The following SCAPER variants were observed in gnomAD, a reference collection of about 807,000 sequenced individuals.
SCAPER encodes S-phase cyclin A associated protein in the ER, also known as S phase cyclin A-associated protein in the endoplasmic reticulum.
Under a neutral mutation model 182.2 loss-of-function variants are expected in SCAPER, and 98 were observed. The ratio of observed to expected loss-of-function variants is 0.54; its 90% CI spans 0.46 to 0.64. The LOEUF is 0.64. SCAPER is among the 30% of genes least tolerant of loss of function. The pLI, the probability that SCAPER is intolerant of heterozygous loss-of-function variation, is 0.00. For synonymous variants in SCAPER, 605 were observed against 564.6 expected, an observed-to-expected ratio of 1.07 and a Z score of -1.01; for missense variants, 1,432 against 1,690.0, an observed-to-expected ratio of 0.85 and a Z score of 2.68.
chr15:76,742,252 A>G (rs183988839), intron 15 of SCAPER, among the ~76,000 whole-genome samples: 9 of 152,056 alleles, frequency 5.9e-5, no homozygotes, highest in Non-Finnish European at 1.2e-4. Flanking sequence ...TATTAGAAAC[A>G]AGCTCAGGCC....
At chr15:76,355,959 A>G (rs948020638) in intron 29 of SCAPER, among the ~76,000 whole-genome samples, 1 of 152,250 alleles carries the variant, frequency 6.6e-6, no homozygotes, top group African/African-American at 2.4e-5. Context: ...TTTGGTTACC[A>G]TTGGAGTTCT....
chr15:76,589,160 A>G (rs1204059021), intron 22 of SCAPER, among the ~76,000 whole-genome samples: 1 of 152,144 alleles, frequency 6.6e-6, no homozygotes, highest in East Asian at 1.9e-4. Flanking sequence ...CCTTAGTTGC[A>G]GTCGTTTAAT....
chr15:76,657,588 C>CAAAAAAAA (rs35243291), intron 21 of SCAPER, among the ~76,000 whole-genome samples: 3 of 129,790 alleles, frequency 2.3e-5, no homozygotes, highest in Non-Finnish European at 3.2e-5. Flanking sequence ...GACACAACAA[C>CAAAAAAAA]AAAAAAAAAA....
At chr15:76,801,329 T>C (rs2065772968) in intron 6 of SCAPER, among the ~76,000 whole-genome samples, 1 of 152,258 alleles carries the variant, frequency 6.6e-6, no homozygotes, top group Non-Finnish European at 1.5e-5. Flanking sequence ...GAAACATTTG[T>C]TCTCTTCCTA....
At position 76,649,473 on chromosome 15, in the gene SCAPER, A is replaced by G. The variant is rs185626094; in HGVS notation, c.2645+16180T>C. On this transcript the variant is annotated intron_variant, in intron 21 of 31. Transcript: ENST00000563290. ...CCAAAAAAAAACAGCAACAACAAAC[A>G]AATCAGAAAACCATACCAAGGCACA... Among the ~76,000 whole-genome samples the G allele has an allele frequency of 9.8e-4, 149 of 152,138 alleles. 3 individuals carry two copies. Among genetic ancestry groups the G allele is most frequent in the Middle Eastern group, 3.4e-3 (1 of 292 alleles).
chr15:76,847,987 T>C (rs1034614055), intron 4 of SCAPER, among the ~76,000 whole-genome samples: 1 of 152,166 alleles, frequency 6.6e-6, no homozygotes, highest in African/African-American at 2.4e-5. Context: ...TTTTTGAAAC[T>C]ATCTGAAGTA....
chr15:76,652,230 C>A (rs1183959619), intron 21 of SCAPER, among the ~76,000 whole-genome samples: 12 of 114,120 alleles, frequency 1.1e-4, no homozygotes. Context: ...CCAGCCTGGC[C>A]AACATGGCGA....
chr15:76,708,461 G>C lies in SCAPER; in HGVS notation c.2166-2477C>G, dbSNP rs192124973. ...TTATATTAGAAATGCAGGGAGGGTG[G>C]GGCAGGAAAAAAAAAGAAAAAACAA... is the stretch of plus-strand genomic sequence containing the variant. On this transcript the variant is annotated intron_variant, in intron 17 of 31. Coordinates refer to ENST00000563290, the MANE Select transcript of SCAPER (RefSeq NM_020843.4). 1.9e-3 allele frequency among the ~76,000 whole-genome samples: 289 copies of C among 150,430 alleles called. 1 individual carries two copies. Among genetic ancestry groups the C allele is most frequent in the African/African-American group, 6.8e-3 (281 of 41,022 alleles).
rs574402961 is a variant in SCAPER at position 76,781,762 on chromosome 15, C to T, written c.773-6645G>A. On this transcript the variant is annotated intron_variant, in intron 8 of 31. Coordinates refer to ENST00000563290, the MANE Select transcript of SCAPER (RefSeq NM_020843.4). ...ACATTATTAAACAAAAAATTTTCAACCCAGAATTTCATATCCAGCCAAACT... is the reference window on the plus strand; with the variant it reads ...ACATTATTAAACAAAAAATTTTCAATCCAGAATTTCATATCCAGCCAAACT... Among the ~76,000 whole-genome samples the T allele has an allele frequency of 1.5e-3, 230 of 152,220 alleles. 1 individual carries two copies. The highest frequency in any genetic ancestry group is 5.1e-3 in the African/African-American group (211 of 41,532).
Position 76,707,278 on chromosome 15 carries a change from T to A in SCAPER, c.2166-1294A>T, listed in dbSNP as rs9302277. Among the ~76,000 whole-genome samples the A allele has an allele frequency of 7.3e-3, 1,104 of 151,974 alleles. 16 individuals carry two copies. The highest frequency in any genetic ancestry group is 0.025 in the African/African-American group (1,050 of 41,478). On this transcript the variant is annotated intron_variant, in intron 17 of 31. Coordinates refer to ENST00000563290, the MANE Select transcript of SCAPER (RefSeq NM_020843.4). ...ATCAAAATGGCGGACATAAATTCAG[T>A]CATACCAATAATTACATCAAATGAG...
chr15:76,721,854 C>A (rs930871973), intron 17 of SCAPER, among the ~76,000 whole-genome samples: 1 of 152,180 alleles, frequency 6.6e-6, no homozygotes, highest in Non-Finnish European at 1.5e-5. Context: ...TCTAGATATA[C>A]AATCATGTCA....
chr15:76,538,093 T>C lies in SCAPER; in HGVS notation c.2839-33119A>G, dbSNP rs964762968. On this transcript the variant is annotated intron_variant, in intron 23 of 31. Coordinates refer to ENST00000563290, the MANE Select transcript of SCAPER (RefSeq NM_020843.4). ...AGGTGCTGGAGAGGATGTGGAGAAA[T>C]AGGAACACTTTTACACTGTTGGTGG... 4.0e-5 allele frequency among the ~76,000 whole-genome samples: 6 copies of C among 149,398 alleles called. No individual in the cohort carries two copies. The South Asian group carries it at 6.6e-4, about 16-fold the overall frequency.
chr15:76,804,704 G>T, intron 5 of SCAPER, 71 bp from the exon 6 acceptor site: 1 of 943,048 alleles, frequency 1.1e-6, no homozygotes, highest in Non-Finnish European at 1.6e-6. Context: ...AAAAAAGAGT[G>T]AACAACTTAA....
chr15:76,857,925 G>C lies in SCAPER; in HGVS notation c.125-46C>G, dbSNP rs1003126239. 2.8e-5 allele frequency: 37 copies of C among 1,316,114 alleles called. No homozygotes were observed. The African/African-American group carries it at 5.3e-4, about 19-fold the overall frequency. The allele number at this position is 1,316,114 out of a possible 1,614,324, so 81.5% of individuals were successfully genotyped here. The stretch of plus-strand genomic sequence containing the variant: ...AAATATGTAGATATACAGAATGATA[G>C]ATAGTATAAAATTGAACTACAGGTA... On this transcript the variant is annotated intron_variant, in intron 3 of 31. Coordinates refer to ENST00000563290, the MANE Select transcript of SCAPER (RefSeq NM_020843.4).
At chr15:76,426,523 C>T (rs1012426928) in intron 26 of SCAPER, among the ~76,000 whole-genome samples, 1 of 152,132 alleles carries the variant, frequency 6.6e-6, no homozygotes, top group African/African-American at 2.4e-5. Flanking sequence ...CCTATTTGGC[C>T]ATCTTGGAAC....
chr15:76,401,383 G>A (rs1381493811), intron 27 of SCAPER, among the ~76,000 whole-genome samples: 1 of 151,892 alleles, frequency 6.6e-6, no homozygotes, highest in Non-Finnish European at 1.5e-5. Context: ...TAATGTATTT[G>A]CTCATCTCTA....
At chr15:76,478,175 T>C (rs1019647452) in intron 24 of SCAPER, among the ~76,000 whole-genome samples, 1 of 151,916 alleles carries the variant, frequency 6.6e-6, no homozygotes, top group African/African-American at 2.4e-5. Flanking sequence ...CTTTCTTATT[T>C]TTCTTCAAAA....
rs554228941 is a variant in SCAPER, at chr15:76,387,834, C to A, written c.3468-6219G>T. On this transcript the variant is annotated intron_variant, in intron 27 of 31. Coordinates refer to ENST00000563290, the MANE Select transcript of SCAPER (RefSeq NM_020843.4). ...TTAGATCATAAAAACTAATTCCACA[C>A]GCTTAAGATGGGAAGAGGGTAAGTA... Among the ~76,000 whole-genome samples, 14 of 152,190 alleles carry A rather than the reference C, an allele frequency of 9.2e-5. No homozygotes were observed. In the South Asian group the frequency reaches 1.5e-3, roughly 16 times the overall value.
chr15:76,896,978 A>G (rs1213102053), intron 1 of SCAPER, among the ~76,000 whole-genome samples: 1 of 152,132 alleles, frequency 6.6e-6, no homozygotes, highest in Non-Finnish European at 1.5e-5. Context: ...TAAAAAGAGT[A>G]AGTTCTGAAG....
Sources: gnomAD v4.1 joint callset for allele counts (sites outside exome capture counted in the v4.1 genomes callset) on GRCh38, gnomAD v4.1.1 for gene constraint, MANE v1.5 for transcripts, NCBI Gene and HGNC (gene_info 2026-07-23, HGNC 2026-07-21) for gene names.